The following PPP6R2 variants were observed in gnomAD, a reference collection of about 807,000 sequenced individuals.
The protein encoded by PPP6R2 is protein phosphatase 6 regulatory subunit 2.
PPP6R2 carries 62 observed loss-of-function variants against 100.2 expected under a neutral mutation model. The ratio of observed to expected loss-of-function variants is 0.62; its 90% CI spans 0.50 to 0.76. PPP6R2 has a LOEUF of 0.76. PPP6R2 is among the 30% of genes least tolerant of loss of function. The pLI is 0.00. For missense variants in PPP6R2, 1,142 were observed against 1,276.3 expected (o/e 0.89, Z 1.60); for synonymous variants, 525 against 514.7 (o/e 1.02, Z -0.27).
At position 50,422,499 on chromosome 22, in the gene PPP6R2, A is replaced by T. The variant is rs559924241; in HGVS notation, c.972+119A>T. 124 of 1,373,298 alleles carry T rather than the reference A, an allele frequency of 9.0e-5. 1 individual carries two copies. The East Asian group carries it at 3.0e-3, about 34-fold the overall frequency. 85.1% of individuals were successfully genotyped at this position (1,373,298 alleles called of 1,614,324 possible). ...GCAGAGTGTGGAGTGAATGTGTTCT[A>T]AGACGGCCATTCCCACACCCCCACT... is the stretch of plus-strand genomic sequence containing the variant. On this transcript the variant is annotated intron_variant, in intron 9 of 23. Coordinates refer to ENST00000612753, the MANE Select transcript of PPP6R2 (RefSeq NM_001242898.2).
At chr22:50,439,149 A>T (rs2065040441) in intron 19 of PPP6R2, among the ~76,000 whole-genome samples, 1 of 152,182 alleles carries the variant, frequency 6.6e-6, no homozygotes, top group African/African-American at 2.4e-5. Flanking sequence ...TCCACCTCAC[A>T]GGCCGCATGG....
At chr22:50,348,999 T>A (rs1432867215) in intron 1 of PPP6R2, among the ~76,000 whole-genome samples, 1 of 148,968 alleles carries the variant, frequency 6.7e-6, no homozygotes, top group Non-Finnish European at 1.5e-5. Flanking sequence ...CGAGACCAGC[T>A]TGGCCAACAT....
intron 4 of PPP6R2, among the ~76,000 whole-genome samples, chr22:50,413,334 A>G (rs2076771086): frequency 1.3e-5 from 2 of 152,018 alleles, no homozygotes; most frequent in African/African-American, 4.8e-5. Context: ...GTTTCTATTA[A>G]TTTCTCATAA....
chr22:50,376,430 T>C lies in PPP6R2; in HGVS notation c.-17+4280T>C, dbSNP rs147140206. Among the ~76,000 whole-genome samples, 32 of 152,282 alleles carry C rather than the reference T, an allele frequency of 2.1e-4. No individual in the cohort carries two copies. In the East Asian group the frequency reaches 5.0e-3, roughly 24 times the overall value. ...CTATAAAAAAAGTGTACTTTTTGTATGTGTGTGAGAAGGTCTTACTCTGTC... is the reference window on the plus strand; with the variant it reads ...CTATAAAAAAAGTGTACTTTTTGTACGTGTGTGAGAAGGTCTTACTCTGTC... On this transcript the variant is annotated intron_variant, in intron 2 of 23. Transcript: ENST00000612753.
chr22:50,378,696 A>T (rs1443426599), intron 2 of PPP6R2, among the ~76,000 whole-genome samples: 3 of 149,100 alleles, frequency 2.0e-5, no homozygotes, highest in Non-Finnish European at 4.4e-5. Context: ...CCTGAGCAAC[A>T]TGGTGAAACC....
chr22:50,335,343 G>T, the PPP6R2 span, among the ~76,000 whole-genome samples: 7 of 150,918 alleles, frequency 4.6e-5, no homozygotes, highest in African/African-American at 1.7e-4. Context: ...GATTACAGGT[G>T]TGAGCCACCG....
chr22:50,418,959 G>A lies in PPP6R2; in HGVS notation c.711G>A (p.Pro237=), dbSNP rs778429097. Residue 237 remains proline, a synonymous_variant, in exon 7 of 24, where the codon CCG becomes CCA. Transcript: ENST00000612753. ...TGCAAGAGGCTCTGGAGCCAGACCC[G>A]CTCCTCACAGCGCTGGAGTCGTGAG... ...SQLQEALEPD[P]LLTALESQDC... The A allele has an allele frequency of 9.9e-6, 16 of 1,613,320 alleles. No individual in the cohort carries two copies. The highest frequency in any genetic ancestry group is 1.6e-4 in the Middle Eastern group (1 of 6,078).
intron 1 of PPP6R2, among the ~76,000 whole-genome samples, chr22:50,369,821 G>A (rs1175537260): frequency 1.3e-5 from 2 of 149,908 alleles, no homozygotes; most frequent in Non-Finnish European, 3.0e-5. Context: ...CTGCAGCCTC[G>A]AACTCCTGTG....
intron 10 of PPP6R2, among the ~76,000 whole-genome samples, chr22:50,430,771 G>A (rs1007084710): frequency 3.3e-5 from 5 of 151,784 alleles, no homozygotes; most frequent in Non-Finnish European, 7.4e-5. Context: ...CTACCAGGGA[G>A]GCTGAGGCAG....
chr22:50,397,599 G>A (rs1038210646), intron 3 of PPP6R2, among the ~76,000 whole-genome samples: 253 of 132,308 alleles, frequency 1.9e-3, no homozygotes, highest in Middle Eastern at 0.016. Flanking sequence ...TCTGAGGAGT[G>A]TGACTTGGGA....
chr22:50,377,210 T>C (rs2051794879), intron 2 of PPP6R2, among the ~76,000 whole-genome samples: 1 of 151,882 alleles, frequency 6.6e-6, no homozygotes, highest in Non-Finnish European at 1.5e-5. Context: ...TCCCAGTACT[T>C]TGGGAGGTAG....
At chr22:50,439,674 C>G in intron 19 of PPP6R2, 27 bp from the exon 20 acceptor site, 4 of 1,542,706 alleles carry the variant, frequency 2.6e-6, no homozygotes, top group Non-Finnish European at 3.5e-6. Flanking sequence ...CTGCCCACGC[C>G]TGACCACTGT....
At chr22:50,414,499 C>T in intron 4 of PPP6R2, 53 bp from the exon 5 acceptor site, 1 of 1,596,478 alleles carries the variant, frequency 6.3e-7, no homozygotes, top group East Asian at 2.2e-5. Flanking sequence ...GAGGAGGTGT[C>T]TCAGGGTTGT....
chr22:50,337,351 G>C, the PPP6R2 span, among the ~76,000 whole-genome samples: 1 of 142,424 alleles, frequency 7.0e-6, no homozygotes, highest in Non-Finnish European at 1.5e-5. Context: ...GCGATGTGTG[G>C]TGTGTGGGTG....
Position 50,444,488 on chromosome 22 carries a change from G to C in PPP6R2, c.*241G>C. 2 of 314,442 alleles carry C rather than the reference G, an allele frequency of 6.4e-6. No individual in the cohort carries two copies. The highest frequency in any genetic ancestry group is 1.2e-4 in the East Asian group (1 of 8,584). The allele number at this position is 314,442 out of a possible 1,614,324, so 19.5% of individuals were successfully genotyped here. ...AGAGGGGCACCTCAGCCGCCCCCAA[G>C]CCCAGAGCACAGCAATAAGGTCGGC... On this transcript the variant is annotated 3_prime_UTR_variant, in exon 24 of 24. Coordinates refer to ENST00000612753, the MANE Select transcript of PPP6R2 (RefSeq NM_001242898.2).
Position 50,419,323 on chromosome 22 carries a change from C to T in PPP6R2, c.732-26C>T, listed in dbSNP as rs1477433681. ...TTGTGTGTGTGTCTGCTCTGCCAGG[C>T]AGTGACCTCTGTGTGTGTCCAGCAG... is the stretch of plus-strand genomic sequence containing the variant. On this transcript the variant is annotated intron_variant, in intron 7 of 23. Coordinates refer to ENST00000612753, the MANE Select transcript of PPP6R2 (RefSeq NM_001242898.2). 1.9e-6 allele frequency: 3 copies of T among 1,588,228 alleles called. No individual in the cohort carries two copies. The African/African-American group carries it at 4.0e-5, about 21-fold the overall frequency.
At chr22:50,341,573 A>G (rs1328046188), upstream of PPP6R2, among the ~76,000 whole-genome samples, 3 of 152,124 alleles carry the variant, frequency 2.0e-5, no homozygotes, top group African/African-American at 7.2e-5. Context: ...TACAGCAAGT[A>G]CTCCAGGATA....
At chr22:50,416,841 A>G (rs2060612720) in intron 6 of PPP6R2, among the ~76,000 whole-genome samples, 1 of 151,554 alleles carries the variant, frequency 6.6e-6, no homozygotes, top group Non-Finnish European at 1.5e-5. Context: ...CTGTAATCCC[A>G]GCCACTCAGG....
chr22:50,341,036 G>C (rs1298023094), upstream of PPP6R2, among the ~76,000 whole-genome samples: 1 of 152,000 alleles, frequency 6.6e-6, no homozygotes, highest in Non-Finnish European at 1.5e-5. Flanking sequence ...TCAGCCTCCC[G>C]AGTAGCTGGG....
Sources: allele counts gnomAD v4.1 joint callset (sites outside exome capture counted in the v4.1 genomes callset), GRCh38; gene constraint gnomAD v4.1.1; transcripts MANE v1.5; gene names NCBI Gene and HGNC (gene_info 2026-07-23, HGNC 2026-07-21).